PCDHA9: variants seen among roughly 807,000 people sequenced by gnomAD.
The protein encoded by PCDHA9 is protocadherin alpha 9.
A neutral mutation model predicts 62.0 loss-of-function variants in PCDHA9; 62 were observed. The ratio of observed to expected loss-of-function variants is 1.00; its 90% CI spans 0.81 to 1.23. The LOEUF (loss-of-function observed/expected upper bound fraction) is 1.23. Ranked by LOEUF, PCDHA9 falls within the 50% of genes most tolerant of loss-of-function variation. The pLI, the probability that PCDHA9 is intolerant of heterozygous loss-of-function variation, is 0.00. For synonymous variants in PCDHA9, 557 were observed against 567.6 expected, an observed-to-expected ratio of 0.98 and a Z score of 0.27; for missense variants, 1,205 against 1,249.8, an observed-to-expected ratio of 0.96 and a Z score of 0.54.
intron 1 of PCDHA9, among the ~76,000 whole-genome samples, chr5:140,934,327 T>C (rs1379362644): frequency 1.3e-5 from 2 of 152,152 alleles, no homozygotes; most frequent in African/African-American, 4.8e-5. Flanking sequence ...CAATCATGAA[T>C]GTAATAACCA....
chr5:140,954,102 A>G (rs2094980163), intron 1 of PCDHA9, among the ~76,000 whole-genome samples: 1 of 152,186 alleles, frequency 6.6e-6, no homozygotes, highest in South Asian at 2.1e-4. Flanking sequence ...TGTCCCTGCA[A>G]AGGACAAGAT....
intron 1 of PCDHA9, among the ~76,000 whole-genome samples, chr5:140,885,040 T>C (rs2060438917): frequency 6.6e-6 from 1 of 152,226 alleles, no homozygotes; most frequent in African/African-American, 2.4e-5. Context: ...AATTTTTAGT[T>C]TAATGTATAC....
At position 141,009,997 on chromosome 5, in the gene PCDHA9, A is replaced by C; in HGVS notation, c.*60A>C. 1 of 1,576,442 alleles carries C rather than the reference A, an allele frequency of 6.3e-7. No individual in the cohort carries two copies. The highest frequency in any genetic ancestry group is 2.2e-5 in the East Asian group (1 of 44,650). On this transcript the variant is annotated 3_prime_UTR_variant, in exon 4 of 4. Transcript: ENST00000532602. ...TTTGTAATAATGGCAAATCTCTCCC[A>C]TGTAGCAATTCCCTGCTCCTTTTTC...
At chr5:140,857,621 G>C (rs962164938) in intron 1 of PCDHA9, 3 of 1,596,644 alleles carry the variant, frequency 1.9e-6, no homozygotes, top group East Asian at 4.5e-5. Flanking sequence ...GCTGGACCAC[G>C]AGGAGCTGGA....
rs782537122 is a variant in PCDHA9 at position 140,875,892 on chromosome 5, A to G, written c.2394+25003A>G. On this transcript the variant is annotated intron_variant, in intron 1 of 3. Coordinates refer to ENST00000532602, the MANE Select transcript of PCDHA9 (RefSeq NM_031857.2). ...TGTTCAGAGAAAGGGAACAAAAGGTACCTGTTTCTGAATCTGCGCCTCTGG... is the reference window on the plus strand; with the variant it reads ...TGTTCAGAGAAAGGGAACAAAAGGTGCCTGTTTCTGAATCTGCGCCTCTGG... 9 of 1,614,044 alleles carry G rather than the reference A, an allele frequency of 5.6e-6. No homozygotes were observed. The African/African-American group carries it at 1.2e-4, about 22-fold the overall frequency.
chr5:141,000,399 A>C (rs77386673), intron 3 of PCDHA9, among the ~76,000 whole-genome samples: 2,158 of 66,344 alleles, frequency 0.033, 38 homozygotes, highest in Non-Finnish European at 0.044. Context: ...CTCTCTCTAT[A>C]TATATATATA....
At chr5:140,875,644 G>A in intron 1 of PCDHA9, 1 of 1,613,736 alleles carries the variant, frequency 6.2e-7, no homozygotes, top group Non-Finnish European at 8.5e-7. Flanking sequence ...GGAGCTGGCG[G>A]AGCTGGTGCC....
intron 1 of PCDHA9, among the ~76,000 whole-genome samples, chr5:140,907,664 T>G (rs2073522534): frequency 6.6e-6 from 1 of 152,216 alleles, no homozygotes; most frequent in Non-Finnish European, 1.5e-5. Context: ...CAGCAGTGGC[T>G]GTAGCCAGGT....
At chr5:140,858,318 G>A (rs1441459097) in intron 1 of PCDHA9, 1 of 1,596,952 alleles carries the variant, frequency 6.3e-7, no homozygotes, top group African/African-American at 1.3e-5. Flanking sequence ...CAGAGGGTGT[G>A]TTCTGGGGAG....
At chr5:140,905,944 A>G (rs2072219566) in intron 1 of PCDHA9, among the ~76,000 whole-genome samples, 3 of 152,216 alleles carry the variant, frequency 2.0e-5, no homozygotes, top group Non-Finnish European at 4.4e-5. Flanking sequence ...AGAACTTGGA[A>G]TCCGATGTTC....
intron 2 of PCDHA9, among the ~76,000 whole-genome samples, chr5:140,981,925 T>C (rs2096957903): frequency 1.3e-5 from 2 of 152,160 alleles, no homozygotes; most frequent in South Asian, 2.1e-4. Flanking sequence ...CAAGTTTCTC[T>C]AGTCTCAGGA....
chr5:140,895,867 A>C (rs1212053221), intron 1 of PCDHA9, among the ~76,000 whole-genome samples: 1 of 152,154 alleles, frequency 6.6e-6, no homozygotes, highest in Non-Finnish European at 1.5e-5. Context: ...GCTGGAGTGC[A>C]ATGGCGCGAT....
At chr5:140,934,502 A>G (rs1311901724) in intron 1 of PCDHA9, among the ~76,000 whole-genome samples, 2 of 152,144 alleles carry the variant, frequency 1.3e-5, no homozygotes, top group Non-Finnish European at 2.9e-5. Flanking sequence ...TAAACACCCA[A>G]AGGGTCCATA....
chr5:140,922,799 A>T (rs1188093750), intron 1 of PCDHA9, among the ~76,000 whole-genome samples: 1 of 152,264 alleles, frequency 6.6e-6, no homozygotes, highest in Non-Finnish European at 1.5e-5. Context: ...GCTTTGGAAT[A>T]CAGAAAAAGG....
intron 1 of PCDHA9, chr5:140,860,854 C>A (rs1554153872): frequency 1.3e-5 from 2 of 152,236 alleles, no homozygotes; most frequent in African/African-American, 4.8e-5. Flanking sequence ...TCTCCTGCCT[C>A]AGCCTCCGGA....
intron 3 of PCDHA9, among the ~76,000 whole-genome samples, chr5:140,994,698 C>G (rs1238723224): frequency 6.6e-6 from 1 of 151,898 alleles, no homozygotes; most frequent in Non-Finnish European, 1.5e-5. Context: ...GAATGAGACC[C>G]TGTCTCAAAA....
At position 140,884,402 on chromosome 5, in the gene PCDHA9, G is replaced by T. The variant is rs782512270; in HGVS notation, c.2394+33513G>T. 2.6e-5 allele frequency: 42 copies of T among 1,613,886 alleles called. 1 individual carries two copies. The Middle Eastern group carries it at 1.3e-3, about 51-fold the overall frequency. The stretch of plus-strand genomic sequence containing the variant: ...CATCTGCGCGGTGTCCAGCCTGTTG[G>T]TGCTCACGTTGCTGCTGTATACTGC... On this transcript the variant is annotated intron_variant, in intron 1 of 3. Coordinates refer to ENST00000532602, the MANE Select transcript of PCDHA9 (RefSeq NM_031857.2).
intron 1 of PCDHA9, chr5:140,854,321 C>A: frequency 3.7e-6 from 1 of 267,696 alleles, no homozygotes; most frequent in Non-Finnish European, 5.7e-6. Context: ...TGATCAATGG[C>A]AAACTTATTT....
Position 140,849,809 on chromosome 5 carries a change from G to A in PCDHA9, c.1314G>A (p.Thr438=), listed in dbSNP as rs147465571. Residue 438 remains threonine, a synonymous_variant, in exon 1 of 4, where the codon ACG becomes ACA. Transcript: ENST00000532602. ...RDGGSPSLWA[T]ARVSVEVADV... ...GGGGCTCGCCTTCACTGTGGGCCAC[G>A]GCCAGGGTGTCTGTGGAGGTGGCCG... 3 of 1,598,384 alleles carry A rather than the reference G, an allele frequency of 1.9e-6. No individual in the cohort carries two copies. Among genetic ancestry groups the A allele is most frequent in the East Asian group, 2.2e-5 (1 of 44,848 alleles).
Sources: gnomAD v4.1 joint callset for allele counts (sites outside exome capture counted in the v4.1 genomes callset) on GRCh38, gnomAD v4.1.1 for gene constraint, MANE v1.5 for transcripts, NCBI Gene and HGNC (gene_info 2026-07-23, HGNC 2026-07-21) for gene names.